ADAM10: variants seen among roughly 807,000 people sequenced by gnomAD.
The protein encoded by ADAM10 is disintegrin and metalloproteinase domain-containing protein 10.
Under a neutral mutation model 90.1 loss-of-function variants are expected in ADAM10, and 17 were observed. That is an observed-to-expected ratio of 0.19 (90% CI 0.13 to 0.28). ADAM10 has a LOEUF of 0.28. Among genes scored for constraint, ADAM10 ranks in the 10% least tolerant of loss-of-function variants. ADAM10 has a pLI of 1.00. For missense variants in ADAM10, 610 were observed against 914.3 expected, an observed-to-expected ratio of 0.67 and a Z score of 4.29; for synonymous variants, 310 against 298.6, an observed-to-expected ratio of 1.04 and a Z score of -0.40.
At chr15:58,740,723 T>C (rs1162094424) in intron 1 of ADAM10, among the ~76,000 whole-genome samples, 1 of 152,186 alleles carries the variant, frequency 6.6e-6, no homozygotes, top group Non-Finnish European at 1.5e-5. Context: ...TACATTAGTT[T>C]TTTAAAGGTA....
chr15:58,597,561 G>A lies in ADAM10; in HGVS notation c.2233C>T (p.His745Tyr). The part of the protein sequence containing the change: ...QRPRESYQMG[H>Y]MRR Reference sequence around the variant, plus strand: ...AAAAGCTGCAGTTAGCGTCTCATGTGTCCCATTTGATAACTCTCTCGGGGC... The same window carrying A: ...AAAAGCTGCAGTTAGCGTCTCATGTATCCCATTTGATAACTCTCTCGGGGC... Residue 745 changes from histidine to tyrosine, a missense_variant, in exon 16 of 16, where the codon CAC becomes TAC. Coordinates refer to ENST00000260408, the MANE Select transcript of ADAM10 (RefSeq NM_001110.4). 6.2e-7 allele frequency: 1 copy of A among 1,614,110 alleles called. No homozygotes were observed. The highest frequency in any genetic ancestry group is 8.5e-7 in the Non-Finnish European group (1 of 1,180,006).
chr15:58,703,305 A>AC, intron 2 of ADAM10, among the ~76,000 whole-genome samples: 1 of 151,862 alleles, frequency 6.6e-6, no homozygotes, highest in Non-Finnish European at 1.5e-5. Context: ...AAAAAAAAAA[A>AC]AAAAAACACA....
At chr15:58,701,974 C>T (rs1233300353) in intron 2 of ADAM10, among the ~76,000 whole-genome samples, 1 of 151,932 alleles carries the variant, frequency 6.6e-6, no homozygotes, top group Non-Finnish European at 1.5e-5. Context: ...GGCGTGGCGG[C>T]GCACACCTCT....
At chr15:58,644,066 C>A in intron 6 of ADAM10, 88 bp from the exon 7 acceptor site, 1 of 931,928 alleles carries the variant, frequency 1.1e-6, no homozygotes, top group Non-Finnish European at 1.7e-6. Flanking sequence ...AGTAATTATT[C>A]ATGTCCTGCC....
Position 58,588,897 on chromosome 15 carries a change from G to A in ADAM10, c.*8650C>T, listed in dbSNP as rs1377598976. On this transcript the variant is annotated 3_prime_UTR_variant, in exon 16 of 16. Coordinates refer to ENST00000260408, the MANE Select transcript of ADAM10 (RefSeq NM_001110.4). ...TGTTACTTACATGCCCCAAAGCTAAGTTATGCCTTTCCCATTTTTGCAAAA... is the reference window on the plus strand; with the variant it reads ...TGTTACTTACATGCCCCAAAGCTAAATTATGCCTTTCCCATTTTTGCAAAA... The A allele has an allele frequency of 6.6e-6, 1 of 152,272 alleles. No individual in the cohort carries two copies. The highest frequency in any genetic ancestry group is 1.9e-4 in the East Asian group (1 of 5,194). 9.4% of individuals were successfully genotyped at this position (152,272 alleles called of 1,614,324 possible).
At chr15:58,687,285 A>G (rs1897629325) in intron 2 of ADAM10, among the ~76,000 whole-genome samples, 1 of 152,254 alleles carries the variant, frequency 6.6e-6, no homozygotes, top group Non-Finnish European at 1.5e-5. Context: ...ATATAAATGA[A>G]GCAGATTTGG....
chr15:58,662,810 A>C (rs1897000572), intron 5 of ADAM10, among the ~76,000 whole-genome samples: 1 of 152,144 alleles, frequency 6.6e-6, no homozygotes, highest in Admixed American at 6.5e-5. Context: ...GCTTTTTCTC[A>C]ACACAGCTCT....
At chr15:58,691,688 T>TC (rs879131734) in intron 2 of ADAM10, 11 of 353,336 alleles carry the variant, frequency 3.1e-5, no homozygotes, top group South Asian at 2.4e-4. Flanking sequence ...TTTTTTTTTT[T>TC]TTTTTTTTTT....
At chr15:58,659,103 T>A (rs973130255) in intron 5 of ADAM10, among the ~76,000 whole-genome samples, 1 of 152,036 alleles carries the variant, frequency 6.6e-6, no homozygotes, top group Non-Finnish European at 1.5e-5. Context: ...TGAAACCCCA[T>A]CTTTACTAAA....
At chr15:58,739,072 A>T (rs1451890243) in intron 1 of ADAM10, among the ~76,000 whole-genome samples, 2 of 152,174 alleles carry the variant, frequency 1.3e-5, no homozygotes, top group Non-Finnish European at 2.9e-5. Flanking sequence ...CCACTATGCC[A>T]AAGCTTGCTC....
rs1373123978 is a variant in ADAM10, at chr15:58,595,922, T to C, written c.*1625A>G. 1 of 152,176 alleles carries C rather than the reference T, an allele frequency of 6.6e-6. No homozygotes were observed. Among genetic ancestry groups the C allele is most frequent in the Non-Finnish European group, 1.5e-5 (1 of 67,990 alleles). 9.4% of individuals were successfully genotyped at this position (152,176 alleles called of 1,614,324 possible). The stretch of plus-strand genomic sequence containing the variant: ...TATTTATAGTCTATCTGGGGTTTCA[T>C]GTACAAAATTTGTCTCTAAATCATG... On this transcript the variant is annotated 3_prime_UTR_variant, in exon 16 of 16. Transcript: ENST00000260408.
At chr15:58,619,927 A>T (rs1895731636) in intron 11 of ADAM10, among the ~76,000 whole-genome samples, 1 of 151,784 alleles carries the variant, frequency 6.6e-6, no homozygotes, top group African/African-American at 2.4e-5. Flanking sequence ...TAAAAAAAGG[A>T]ATAGGAAGCT....
At chr15:58,670,036 C>A (rs1241757546) in intron 4 of ADAM10, among the ~76,000 whole-genome samples, 4 of 151,914 alleles carry the variant, frequency 2.6e-5, no homozygotes, top group Non-Finnish European at 5.9e-5. Context: ...ATGATAGTTT[C>A]ACAGACATAA....
intron 11 of ADAM10, among the ~76,000 whole-genome samples, chr15:58,617,116 A>T (rs1258029163): frequency 6.6e-6 from 1 of 152,026 alleles, no homozygotes; most frequent in Non-Finnish European, 1.5e-5. Context: ...CTCAAAAAAT[A>T]AAAAAATAAA....
chr15:58,682,121 T>C, intron 3 of ADAM10, 75 bp downstream of exon 3: 1 of 1,587,132 alleles, frequency 6.3e-7, no homozygotes, highest in Non-Finnish European at 8.6e-7. Context: ...AAATATTTGC[T>C]TACACTTCAA....
intron 10 of ADAM10, among the ~76,000 whole-genome samples, chr15:58,624,154 C>T (rs924992129): frequency 2.6e-5 from 4 of 151,994 alleles, no homozygotes; most frequent in East Asian, 3.9e-4. Context: ...GGCGTGGTGG[C>T]GCACTCCTGC....
chr15:58,688,784 A>ATCTC (rs1484154350), intron 2 of ADAM10, among the ~76,000 whole-genome samples: 2 of 119,048 alleles, frequency 1.7e-5, no homozygotes, highest in Non-Finnish European at 3.3e-5. Flanking sequence ...ATATATATAT[A>ATCTC]TATCTCTCTC....
Position 58,647,248 on chromosome 15 carries a change from A to ATTTTTTTTTTTTTTTTTTTTTTTTTTT in ADAM10, c.586-1071_586-1045dup, listed in dbSNP as rs67378373. On this transcript the variant is annotated intron_variant, in intron 5 of 15. Coordinates refer to ENST00000260408, the MANE Select transcript of ADAM10 (RefSeq NM_001110.4). Reference sequence around the variant, plus strand: ...TGGCAGCAAAGAGTAGACACTAAGTATTTTTTTTTTTTTTTTTTTTTTTTT... The same window carrying ATTTTTTTTTTTTTTTTTTTTTTTTTTT: ...TGGCAGCAAAGAGTAGACACTAAGTATTTTTTTTTTTTTTTTTTTTTTTTTTTTTTTTTTTTTTTTTTTTTTTTTTTT... Among the ~76,000 whole-genome samples the ATTTTTTTTTTTTTTTTTTTTTTTTTTT allele has an allele frequency of 5.5e-4, 33 of 59,598 alleles. 11 individuals carry two copies. Among genetic ancestry groups the ATTTTTTTTTTTTTTTTTTTTTTTTTTT allele is most frequent in the South Asian group, 1.1e-3 (2 of 1,832 alleles). 39.1% of individuals were successfully genotyped at this position (59,598 alleles called of 152,430 possible).
chr15:58,696,283 G>T (rs1329385392), intron 2 of ADAM10, among the ~76,000 whole-genome samples: 2 of 128,780 alleles, frequency 1.6e-5, no homozygotes, highest in Non-Finnish European at 1.8e-5. Context: ...GTGAGACCCT[G>T]TCTCAAAAAC....
Sources: gnomAD v4.1 joint callset for allele counts (sites outside exome capture counted in the v4.1 genomes callset) on GRCh38, gnomAD v4.1.1 for gene constraint, MANE v1.5 for transcripts, NCBI Gene and HGNC (gene_info 2026-07-23, HGNC 2026-07-21) for gene names.